The following SLIT2 variants were observed in gnomAD, a reference collection of about 807,000 sequenced individuals.
The protein encoded by SLIT2 is slit homolog 2 protein.
In SLIT2, 41 loss-of-function variants were observed where a neutral mutation model predicts 185.7. The observed-to-expected ratio is 0.22, with a 90% CI of 0.17 to 0.29. The LOEUF is 0.29. SLIT2 is among the 10% of genes least tolerant of loss of function. The pLI is 1.00. For missense variants in SLIT2, 1,571 were observed against 1,909.0 expected (o/e 0.82, Z 3.30); for synonymous variants, 693 against 680.2 (o/e 1.02, Z -0.29).
intron 5 of SLIT2, among the ~76,000 whole-genome samples, chr4:20,476,572 C>T (rs557263291): frequency 6.6e-6 from 1 of 152,114 alleles, no homozygotes; most frequent in South Asian, 2.1e-4. Flanking sequence ...TTGTTATGTT[C>T]TATATTGTTA....
intron 33 of SLIT2, among the ~76,000 whole-genome samples, chr4:20,603,255 G>A (rs531849971): frequency 6.7e-4 from 102 of 152,218 alleles, no homozygotes; most frequent in African/African-American, 2.3e-3. Flanking sequence ...AGACTCATTC[G>A]CTACCATGAT....
At chr4:20,330,518 CTT>C (rs1265697010) in intron 4 of SLIT2, among the ~76,000 whole-genome samples, 1 of 151,980 alleles carries the variant, frequency 6.6e-6, no homozygotes, top group African/African-American at 2.4e-5. Flanking sequence ...AGAGTTATAA[CTT>C]ATGATTCATA....
At chr4:20,467,994 C>T (rs551296245) in intron 5 of SLIT2, among the ~76,000 whole-genome samples, 171 bp downstream of exon 5, 2 of 152,172 alleles carry the variant, frequency 1.3e-5, no homozygotes, top group Admixed American at 6.5e-5. Context: ...AGCTGTTTGA[C>T]GAGATGCTCA....
chr4:20,517,970 G>A (rs1211688512), intron 11 of SLIT2, among the ~76,000 whole-genome samples: 2 of 150,998 alleles, frequency 1.3e-5, no homozygotes, highest in Non-Finnish European at 3.0e-5. Context: ...GCTTATTTTA[G>A]AGATATATTA....
chr4:20,494,269 T>C (rs1179777803), intron 9 of SLIT2, among the ~76,000 whole-genome samples: 4 of 152,108 alleles, frequency 2.6e-5, no homozygotes, highest in East Asian at 3.8e-4. Flanking sequence ...ATAGCAAACA[T>C]AGTAGCAGAA....
intron 4 of SLIT2, among the ~76,000 whole-genome samples, chr4:20,420,202 T>G (rs1728064640): frequency 6.6e-6 from 1 of 152,080 alleles, no homozygotes; most frequent in Non-Finnish European, 1.5e-5. Flanking sequence ...TAGCAATAGG[T>G]TTTGGTTAGG....
chr4:20,369,459 C>G (rs1723393324), intron 4 of SLIT2, among the ~76,000 whole-genome samples: 3 of 152,134 alleles, frequency 2.0e-5, no homozygotes, highest in African/African-American at 7.2e-5. Flanking sequence ...AGTTTTCGTT[C>G]TACAACAGCA....
At chr4:20,332,782 G>A (rs1462370588) in intron 4 of SLIT2, among the ~76,000 whole-genome samples, 1 of 152,066 alleles carries the variant, frequency 6.6e-6, no homozygotes. Flanking sequence ...TCAGAGATCT[G>A]AAAAAGTTGA....
intron 9 of SLIT2, among the ~76,000 whole-genome samples, chr4:20,509,836 A>G (rs976506152): frequency 6.6e-6 from 1 of 152,194 alleles, no homozygotes; most frequent in Non-Finnish European, 1.5e-5. Flanking sequence ...ATTTTAGTAT[A>G]CCATAAAAAT....
At chr4:20,378,522 A>C (rs540414371) in intron 4 of SLIT2, among the ~76,000 whole-genome samples, 1 of 152,288 alleles carries the variant, frequency 6.6e-6, no homozygotes, top group African/African-American at 2.4e-5. Context: ...TCAGACATAC[A>C]GAAATATTGG....
chr4:20,325,422 G>T (rs182396654), intron 4 of SLIT2, among the ~76,000 whole-genome samples: 3 of 105,508 alleles, frequency 2.8e-5, no homozygotes, highest in African/African-American at 1.1e-4. Context: ...GGGTGGGGGT[G>T]GGGGGTGGGA....
Position 20,300,769 on chromosome 4 carries a change from A to C in SLIT2, c.395+31888A>C, listed in dbSNP as rs951238450. 4.6e-5 allele frequency among the ~76,000 whole-genome samples: 7 copies of C among 152,268 alleles called. No individual in the cohort carries two copies. In the South Asian group the frequency reaches 6.2e-4, roughly 13 times the overall value. The stretch of plus-strand genomic sequence containing the variant: ...CAAGAGCAATAAATCTCTGTTGCTA[A>C]AATCAAGCACTAGGCTTTTATGGAA... On this transcript the variant is annotated intron_variant, in intron 4 of 36. Coordinates refer to ENST00000504154, the MANE Select transcript of SLIT2 (RefSeq NM_004787.4).
intron 26 of SLIT2, among the ~76,000 whole-genome samples, chr4:20,555,916 T>C (rs1285346728): frequency 2.7e-5 from 4 of 150,264 alleles, no homozygotes; most frequent in Middle Eastern, 3.4e-3. Flanking sequence ...AATTGTGTCA[T>C]TTTTTTGCTC....
chr4:20,322,783 A>G (rs761609723), intron 4 of SLIT2, among the ~76,000 whole-genome samples: 1 of 152,096 alleles, frequency 6.6e-6, no homozygotes, highest in Non-Finnish European at 1.5e-5. Context: ...CTAGCACAGG[A>G]CTTCTTTATA....
intron 4 of SLIT2, among the ~76,000 whole-genome samples, chr4:20,431,999 C>CTGTGTG (rs1244399710): frequency 2.5e-4 from 33 of 133,168 alleles, no homozygotes; most frequent in Admixed American, 1.3e-3. Flanking sequence ...ATCTCTCACT[C>CTGTGTG]TCTGTGTGTG....
chr4:20,551,289 G>C (rs1342249428), intron 25 of SLIT2, among the ~76,000 whole-genome samples: 1 of 152,080 alleles, frequency 6.6e-6, no homozygotes, highest in East Asian at 1.9e-4. Flanking sequence ...AGCCTCTCCT[G>C]ATTTGCTCAA....
rs570394768 is a variant in SLIT2 at position 20,463,545 on chromosome 4, G to GTGTGTGTGTGTA, written c.396-4206_396-4205insGTGTGTGTGTAT. 6.8e-4 allele frequency among the ~76,000 whole-genome samples: 91 copies of GTGTGTGTGTGTA among 134,384 alleles called. 2 individuals are homozygous for GTGTGTGTGTGTA. In the South Asian group the frequency reaches 0.021, roughly 32 times the overall value. 88.2% of individuals were successfully genotyped at this position (134,384 alleles called of 152,430 possible). A position where few individuals can be genotyped will look rare whatever the true frequency, so the allele number is the denominator to read the frequency against. On this transcript the variant is annotated intron_variant, in intron 4 of 36. Coordinates refer to ENST00000504154, the MANE Select transcript of SLIT2 (RefSeq NM_004787.4). ...TGTGTGTGTGTGTGTGTGTGTGTGT[G>GTGTGTGTGTGTA]TATATGTATATCTCACATCTCTCCA... is the stretch of plus-strand genomic sequence containing the variant.
chr4:20,365,173 T>TG (rs894192054), intron 4 of SLIT2, among the ~76,000 whole-genome samples: 44 of 152,312 alleles, frequency 2.9e-4, no homozygotes, highest in Admixed American at 1.8e-3. Context: ...AGTGTTTAAC[T>TG]GCTGGACAGT....
At chr4:20,406,951 C>T (rs1251850555) in intron 4 of SLIT2, among the ~76,000 whole-genome samples, 3 of 151,732 alleles carry the variant, frequency 2.0e-5, no homozygotes, top group Non-Finnish European at 2.9e-5. Context: ...CGAGAATATT[C>T]GAACAATGGA....
Sources: allele counts gnomAD v4.1 joint callset (sites outside exome capture counted in the v4.1 genomes callset), GRCh38; gene constraint gnomAD v4.1.1; transcripts MANE v1.5; gene names NCBI Gene and HGNC (gene_info 2026-07-23, HGNC 2026-07-21).